Variants in ANK1 observed in about 807,000 individuals in gnomAD.
The protein encoded by ANK1 is ankyrin-1.
A neutral mutation model predicts 210.4 loss-of-function variants in ANK1; 51 were observed. The observed-to-expected ratio is 0.24, with a 90% confidence interval of 0.19 to 0.31. ANK1 has a LOEUF of 0.31. Ranked by LOEUF, ANK1 falls within the 10% of genes least tolerant of loss-of-function variation. The pLI is 1.00. For synonymous variants in ANK1, 967 were observed against 1,025.9 expected (o/e 0.94, Z 1.10); for missense variants, 2,051 against 2,504.4 (o/e 0.82, Z 3.86).
chr8:41,872,215 A>T (rs1416005876), intron 1 of ANK1, among the ~76,000 whole-genome samples: 1 of 152,216 alleles, frequency 6.6e-6, no homozygotes, highest in Non-Finnish European at 1.5e-5. Flanking sequence ...TGTAGGCCTC[A>T]GCTCCCAAGT....
chr8:41,695,438 C>T, intron 26 of ANK1, 107 bp from the exon 27 acceptor site: 2 of 1,508,616 alleles, frequency 1.3e-6, no homozygotes, highest in Non-Finnish European at 9.1e-7. Context: ...GGCACTTCCG[C>T]AGCCACGTGG....
chr8:41,682,359 C>G lies in ANK1; in HGVS notation c.4537+2185G>C, dbSNP rs1816326666. Among the ~76,000 whole-genome samples the G allele has an allele frequency of 3.3e-5, 5 of 152,384 alleles. No individual in the cohort carries two copies. The South Asian group carries it at 1.0e-3, about 32-fold the overall frequency. ...GAGTCCCCCTGGCCCCGACTCCGGT[C>G]TGTTTCTCCTGCACCATGCACGTTA... On this transcript the variant is annotated intron_variant, in intron 37 of 42. Coordinates refer to ENST00000289734, the MANE Select transcript of ANK1 (RefSeq NM_000037.4).
At chr8:41,856,599 G>C (rs934828432) in intron 1 of ANK1, among the ~76,000 whole-genome samples, 1 of 152,142 alleles carries the variant, frequency 6.6e-6, no homozygotes, top group Non-Finnish European at 1.5e-5. Flanking sequence ...TACAGGTTGA[G>C]TAACACTAAT....
chr8:41,893,771 A>C (rs1819910039), intron 1 of ANK1, among the ~76,000 whole-genome samples: 1 of 152,216 alleles, frequency 6.6e-6, no homozygotes. Flanking sequence ...TGCTGGTATA[A>C]GAAACGGAAA....
intron 1 of ANK1, among the ~76,000 whole-genome samples, chr8:41,831,757 TTTTA>T (rs1370026716): frequency 6.6e-6 from 1 of 152,130 alleles, no homozygotes; most frequent in Non-Finnish European, 1.5e-5. Context: ...GCAGCTTTAT[TTTTA>T]TTTATCACCG....
chr8:41,774,709 G>T (rs1009048930), intron 1 of ANK1, among the ~76,000 whole-genome samples: 1 of 152,242 alleles, frequency 6.6e-6, no homozygotes, highest in Non-Finnish European at 1.5e-5. Context: ...TGTCTTGTGG[G>T]TGCCTAAATA....
chr8:41,776,444 A>T (rs1563740974), intron 1 of ANK1, among the ~76,000 whole-genome samples: 5 of 152,054 alleles, frequency 3.3e-5, no homozygotes. Context: ...AGTTCTCTAG[A>T]ATTACAACAG....
At chr8:41,865,649 C>T (rs1052139392) in intron 1 of ANK1, among the ~76,000 whole-genome samples, 4 of 152,112 alleles carry the variant, frequency 2.6e-5, no homozygotes. Context: ...ACACAATGCA[C>T]ATGCCACCAT....
intron 1 of ANK1, among the ~76,000 whole-genome samples, chr8:41,844,432 C>G (rs1383468258): frequency 6.6e-6 from 1 of 152,174 alleles, no homozygotes; most frequent in Non-Finnish European, 1.5e-5. Flanking sequence ...CCTCCCCAAC[C>G]TCCATCGCCT....
intron 1 of ANK1, among the ~76,000 whole-genome samples, chr8:41,765,209 T>TC (rs1491006565): frequency 6.6e-6 from 1 of 151,500 alleles, no homozygotes; most frequent in Non-Finnish European, 1.5e-5. Context: ...TCTCTTTTTT[T>TC]CTCTTTCTTT....
chr8:41,714,932 C>A, intron 15 of ANK1, 44 bp downstream of exon 15: 2 of 1,585,906 alleles, frequency 1.3e-6, no homozygotes, highest in Non-Finnish European at 1.7e-6. Context: ...TCTGTCCTTG[C>A]CTCTAACCTG....
intron 26 of ANK1, 76 bp downstream of exon 26, chr8:41,696,287 A>C: frequency 6.5e-7 from 1 of 1,530,528 alleles, no homozygotes; most frequent in Non-Finnish European, 9.0e-7. Flanking sequence ...CTGTTTCCCC[A>C]TCAGGACAGA....
intron 39 of ANK1, chr8:41,664,287 C>T (rs538150203): frequency 5.3e-5 from 21 of 399,692 alleles, no homozygotes; most frequent in African/African-American, 4.0e-4. Flanking sequence ...ATTTGGGCAA[C>T]ATAGCGAGCC....
chr8:41,870,049 C>T (rs997282125), intron 1 of ANK1, among the ~76,000 whole-genome samples: 2 of 151,984 alleles, frequency 1.3e-5, no homozygotes, highest in Non-Finnish European at 2.9e-5. Flanking sequence ...TAACCAGTGC[C>T]CTAGAGGCCT....
At chr8:41,816,723 T>A in intron 1 of ANK1, among the ~76,000 whole-genome samples, 1 of 152,296 alleles carries the variant, frequency 6.6e-6, no homozygotes, top group East Asian at 1.9e-4. Flanking sequence ...AGCCACCAGG[T>A]CTGGCCAATA....
chr8:41,668,501 G>A lies in ANK1; in HGVS notation c.5160C>T (p.Ser1720=). 1.9e-6 allele frequency: 3 copies of A among 1,614,202 alleles called. No individual in the cohort carries two copies. Among genetic ancestry groups the A allele is most frequent in the Non-Finnish European group, 2.5e-6 (3 of 1,180,030 alleles). ...VSYLQDAAQG[S]WQEEVTQGPH... is the part of the protein sequence containing the mutation. ...GACCTTGCGTGACCTCCTCTTGCCA[G>A]GAACCTTGTGCAGCATCTTGCAGGT... Residue 1720 remains serine, a synonymous_variant, in exon 39 of 43, where the codon TCC becomes TCT. Coordinates refer to ENST00000289734, the MANE Select transcript of ANK1 (RefSeq NM_000037.4).
chr8:41,670,844 C>T (rs1812040543), intron 38 of ANK1, among the ~76,000 whole-genome samples: 1 of 152,226 alleles, frequency 6.6e-6, no homozygotes, highest in African/African-American at 2.4e-5. Flanking sequence ...GGCACAAGAA[C>T]CATGTCCTTA....
rs563538194 is a variant in ANK1, at chr8:41,791,209, T to G, written c.27+6303A>C. Among the ~76,000 whole-genome samples the G allele has an allele frequency of 8.2e-3, 1,157 of 141,728 alleles. 7 individuals are homozygous for G. The highest frequency in any genetic ancestry group is 0.013 in the Non-Finnish European group (871 of 65,048). 93.0% of individuals were successfully genotyped at this position (141,728 alleles called of 152,430 possible). A position where few individuals can be genotyped will look rare whatever the true frequency, so the allele number is the denominator to read the frequency against. On this transcript the variant is annotated intron_variant, in intron 1 of 42. Coordinates refer to ENST00000289734, the MANE Select transcript of ANK1 (RefSeq NM_000037.4). Reference sequence around the variant, plus strand: ...TACTAACTTTGTTTTTTTTTTTTTTTTTTTTTTTTTTTGAGATGGCATCTC... The same window carrying G: ...TACTAACTTTGTTTTTTTTTTTTTTGTTTTTTTTTTTTGAGATGGCATCTC...
intron 1 of ANK1, among the ~76,000 whole-genome samples, chr8:41,836,720 T>C (rs1000760755): frequency 1.3e-5 from 2 of 152,104 alleles, no homozygotes; most frequent in African/African-American, 4.8e-5. Flanking sequence ...AACACCAGCC[T>C]GGGCAACATA....
Sources: allele counts gnomAD v4.1 joint callset (sites outside exome capture counted in the v4.1 genomes callset), GRCh38; gene constraint gnomAD v4.1.1; transcripts MANE v1.5; gene names NCBI Gene and HGNC (gene_info 2026-07-23, HGNC 2026-07-21).